LDLRAD4: variants seen among roughly 807,000 people sequenced by gnomAD.
LDLRAD4 encodes low-density lipoprotein receptor class A domain-containing protein 4.
A neutral mutation model predicts 17.0 loss-of-function variants in LDLRAD4; 5 were observed. The ratio of observed to expected loss-of-function variants is 0.29; its 90% confidence interval spans 0.15 to 0.62. The LOEUF (loss-of-function observed/expected upper bound fraction) is 0.62, where lower values mean the gene tolerates loss of function less well. Among genes scored for constraint, LDLRAD4 ranks in the 20% least tolerant of loss-of-function variants. LDLRAD4 has a pLI of 0.84. For missense variants in LDLRAD4, 340 were observed against 424.7 expected (o/e 0.80, Z 1.75); for synonymous variants, 168 against 171.8 (o/e 0.98, Z 0.17).
At chr18:13,229,196 G>A (rs1306308533) in intron 1 of LDLRAD4, among the ~76,000 whole-genome samples, 4 of 152,196 alleles carry the variant, frequency 2.6e-5, no homozygotes, top group Admixed American at 2.6e-4. Flanking sequence ...TCCTTGGGAC[G>A]ATTCGGGTAA....
chr18:13,634,335 A>G (rs1368876142), intron 4 of LDLRAD4, among the ~76,000 whole-genome samples: 2 of 152,234 alleles, frequency 1.3e-5, no homozygotes, highest in African/African-American at 4.8e-5. Context: ...TTTAAAAATA[A>G]CCCAAAAAGT....
chr18:13,495,650 T>A (rs1168590341), intron 3 of LDLRAD4, among the ~76,000 whole-genome samples: 4 of 152,144 alleles, frequency 2.6e-5, no homozygotes, highest in African/African-American at 7.2e-5. Flanking sequence ...CAATAACCTT[T>A]AGAGTGGTGA....
chr18:13,336,581 A>G (rs1047253171), intron 1 of LDLRAD4, among the ~76,000 whole-genome samples: 2 of 151,802 alleles, frequency 1.3e-5, no homozygotes, highest in East Asian at 3.9e-4. Flanking sequence ...GGCTTTTCTA[A>G]TCCATTCCTC....
intron 3 of LDLRAD4, among the ~76,000 whole-genome samples, chr18:13,576,287 T>C (rs2094769062): frequency 6.6e-6 from 1 of 151,968 alleles, no homozygotes; most frequent in African/African-American, 2.4e-5. Context: ...CTGGGCATGG[T>C]GGCGGGCGCC....
At chr18:13,346,661 A>G (rs9950249) in intron 1 of LDLRAD4, among the ~76,000 whole-genome samples, 9,912 of 152,152 alleles carry the variant, frequency 0.065, 854 homozygotes, top group African/African-American at 0.2. Flanking sequence ...TGATCTGTCT[A>G]ATGTTGACAG....
chr18:13,242,149 G>A (rs2042691285), intron 1 of LDLRAD4: 1 of 152,196 alleles, frequency 6.6e-6, no homozygotes, highest in Admixed American at 6.5e-5. Context: ...GTTTAACAGA[G>A]CTTCATTAAA....
intron 1 of LDLRAD4, among the ~76,000 whole-genome samples, chr18:13,288,288 ACCTTCCATTAGCTTAG>A (rs2045746889): frequency 6.6e-6 from 1 of 152,226 alleles, no homozygotes; most frequent in Non-Finnish European, 1.5e-5. Context: ...CCTTTTAGCC[ACCTTCCATTAGCTTAG>A]CCAAAATTAC....
intron 4 of LDLRAD4, chr18:13,642,339 G>A: frequency 2.0e-6 from 2 of 1,003,264 alleles, no homozygotes; most frequent in Non-Finnish European, 2.4e-6. Context: ...CGTGACGGCC[G>A]ACAGCCCCGC....
intron 3 of LDLRAD4, among the ~76,000 whole-genome samples, chr18:13,528,565 C>T (rs1216762036): frequency 6.6e-6 from 1 of 152,186 alleles, no homozygotes; most frequent in Non-Finnish European, 1.5e-5. Flanking sequence ...CACCCACCTT[C>T]ACCTTCCAAA....
intron 3 of LDLRAD4, among the ~76,000 whole-genome samples, chr18:13,485,005 C>T (rs1188155486): frequency 6.6e-6 from 1 of 152,224 alleles, no homozygotes; most frequent in African/African-American, 2.4e-5. Flanking sequence ...TGGATGAGCT[C>T]TATCACGACA....
intron 2 of LDLRAD4, among the ~76,000 whole-genome samples, chr18:13,435,311 C>T (rs937187102): frequency 3.3e-5 from 5 of 152,224 alleles, no homozygotes; most frequent in African/African-American, 1.2e-4. Flanking sequence ...TTTTCTATAT[C>T]ACATCAAGAA....
At chr18:13,397,120 G>A (rs1017413064) in intron 2 of LDLRAD4, among the ~76,000 whole-genome samples, 1 of 152,084 alleles carries the variant, frequency 6.6e-6, no homozygotes, top group African/African-American at 2.4e-5. Context: ...TGTTGGGTTT[G>A]CCTGACTTTT....
chr18:13,600,764 G>A (rs2095151607), intron 3 of LDLRAD4, among the ~76,000 whole-genome samples: 2 of 152,146 alleles, frequency 1.3e-5, no homozygotes, highest in South Asian at 4.1e-4. Context: ...AAAGGTATTT[G>A]CAGTATTACC....
At chr18:13,632,947 A>G (rs570614285) in intron 4 of LDLRAD4, among the ~76,000 whole-genome samples, 1 of 152,036 alleles carries the variant, frequency 6.6e-6, no homozygotes, top group African/African-American at 2.4e-5. Context: ...GGTCATCCCA[A>G]TGTCTGTCTG....
rs143271433 is a variant in LDLRAD4 at position 13,618,727 on chromosome 18, A to T, written c.182-2390A>T. Among the ~76,000 whole-genome samples the T allele has an allele frequency of 3.5e-3, 527 of 152,390 alleles. 1 individual carries two copies. The highest frequency in any genetic ancestry group is 0.012 in the African/African-American group (499 of 41,588). On this transcript the variant is annotated intron_variant, in intron 3 of 5. Coordinates refer to ENST00000359446, the Ensembl canonical transcript of LDLRAD4. Reference sequence around the variant, plus strand: ...GAATACTCCGCTATTTAACCACAAAATAAAAACAAGCATTGGTAAAAGAAG... The same window carrying T: ...GAATACTCCGCTATTTAACCACAAATTAAAAACAAGCATTGGTAAAAGAAG...
At chr18:13,372,294 G>T (rs2084577233) in intron 1 of LDLRAD4, among the ~76,000 whole-genome samples, 2 of 152,152 alleles carry the variant, frequency 1.3e-5, no homozygotes, top group South Asian at 4.1e-4. Context: ...TGCCTTGGGG[G>T]TACACGTAAA....
At chr18:13,427,324 A>C (rs1268915269) in intron 2 of LDLRAD4, 1 of 152,710 alleles carries the variant, frequency 6.5e-6, no homozygotes, top group Admixed American at 6.5e-5. Flanking sequence ...AGCTCAAGGC[A>C]AGAAAGTCAG....
At chr18:13,387,490 G>A (rs1025443673) in exon 2 of LDLRAD4, 12 of 471,134 alleles carry the variant, frequency 2.5e-5, no homozygotes, top group East Asian at 4.3e-5. Context: ...CATGGCCTCC[G>A]CGCCCTGGCT....
At chr18:13,650,473 G>C (rs897346924) in exon 6 of LDLRAD4, 13 of 397,658 alleles carry the variant, frequency 3.3e-5, no homozygotes, top group Non-Finnish European at 5.8e-5. Context: ...TATCATGTCA[G>C]AGATCTGCAT....
Sources: gnomAD v4.1 joint callset for allele counts (sites outside exome capture counted in the v4.1 genomes callset) on GRCh38, gnomAD v4.1.1 for gene constraint, MANE v1.5 for transcripts, NCBI Gene and HGNC (gene_info 2026-07-23, HGNC 2026-07-21) for gene names.